The following ZNF678 variants were observed in gnomAD, a reference collection of about 807,000 sequenced individuals.
ZNF678 encodes hypothetical protein MGC42493.
ZNF678 carries 5 observed loss-of-function variants against 3.0 expected under a neutral mutation model. The observed-to-expected ratio is 1.69, with a 90% CI of 0.88 to 3.56. The LOEUF is 3.56. Among genes scored for constraint, ZNF678 ranks in the 30% most tolerant of loss-of-function variants. ZNF678 has a pLI of 0.00. For synonymous variants in ZNF678, 218 were observed against 199.6 expected (o/e 1.09, Z -0.78); for missense variants, 593 against 605.0 (o/e 0.98, Z 0.21).
At chr1:227,574,378 T>TA (rs1656935765) in intron 1 of ZNF678, among the ~76,000 whole-genome samples, 1 of 152,222 alleles carries the variant, frequency 6.6e-6, no homozygotes, top group Non-Finnish European at 1.5e-5. Context: ...TGGTGTGAGA[T>TA]GGTATGTCAT....
rs76462632 is a variant in ZNF678, at chr1:227,587,351, A to G, written c.-164+23627A>G. On this transcript the variant is annotated intron_variant, in intron 1 of 3. Transcript: ENST00000343776. ...TAGGAGGCAAAACAAAACAAAACAA[A>G]ACAAAACAAAAGACATACCCAGGGC... is the stretch of plus-strand genomic sequence containing the variant. Among the ~76,000 whole-genome samples, 613 of 152,258 alleles carry G rather than the reference A, an allele frequency of 4.0e-3. 5 individuals are homozygous for G. The highest frequency in any genetic ancestry group is 0.014 in the African/African-American group (567 of 41,540).
Position 227,654,944 on chromosome 1 carries a change from A to G in ZNF678, c.694A>G (p.Thr232Ala), listed in dbSNP as rs778679051. ...CCTTACACAACATAAGAGAATTCAT[A>G]CTGGAGAGAAACCCTACAAATGCAA... ...SNLTQHKRIHTGEKPYKCKEC... is the reference protein window; with the variant it reads ...SNLTQHKRIHAGEKPYKCKEC... Residue 232 changes from threonine to alanine, a missense_variant, in exon 4 of 4, where the codon ACT becomes GCT. By Grantham distance (58) the Thr-to-Ala change is moderately conservative. Coordinates refer to ENST00000343776, the MANE Select transcript of ZNF678 (RefSeq NM_001367909.1). The G allele has an allele frequency of 5.0e-6, 8 of 1,612,674 alleles. 1 individual carries two copies. In the South Asian group the frequency reaches 8.8e-5, roughly 18 times the overall value.
rs187908599 is a variant in ZNF678 at position 227,656,581 on chromosome 1, A to C, written c.*753A>C. On this transcript the variant is annotated 3_prime_UTR_variant, in exon 4 of 4. Transcript: ENST00000343776. ...ACCATCATTTATATGCTTTTTCATG[A>C]ATGATTAAGGGCACCGAAATGTAAC... The C allele has an allele frequency of 6.6e-6, 1 of 151,990 alleles. No homozygotes were observed. Among genetic ancestry groups the C allele is most frequent in the Admixed American group, 6.6e-5 (1 of 15,238 alleles). 9.4% of individuals were successfully genotyped at this position (151,990 alleles called of 1,614,324 possible). A position where few individuals can be genotyped will look rare whatever the true frequency, so the allele number is the denominator to read the frequency against.
intron 1 of ZNF678, among the ~76,000 whole-genome samples, chr1:227,576,636 T>C (rs1656993192): frequency 1.3e-5 from 2 of 152,190 alleles, no homozygotes; most frequent in Admixed American, 1.3e-4. Flanking sequence ...TCTCTCTTTT[T>C]TACTTTATTA....
chr1:227,650,855 A>T, intron 2 of ZNF678, 101 bp from the exon 3 acceptor site: 1 of 827,208 alleles, frequency 1.2e-6, no homozygotes. Flanking sequence ...ATGGCTTTCT[A>T]CATATAAGAT....
chr1:227,669,512 G>A (rs1410070931), intron 5 of ZNF678, among the ~76,000 whole-genome samples: 4 of 152,100 alleles, frequency 2.6e-5, no homozygotes, highest in African/African-American at 7.2e-5. Flanking sequence ...AGCCAGGTGC[G>A]GTGGCGTGCG....
intron 2 of ZNF678, among the ~76,000 whole-genome samples, chr1:227,647,815 G>A (rs886500212): frequency 6.6e-6 from 1 of 152,140 alleles, no homozygotes; most frequent in African/African-American, 2.4e-5. Flanking sequence ...TGGAACATAG[G>A]AATATCTACA....
chr1:227,609,134 C>T (rs1298275114), intron 1 of ZNF678, among the ~76,000 whole-genome samples: 1 of 151,844 alleles, frequency 6.6e-6, no homozygotes, highest in Non-Finnish European at 1.5e-5. Flanking sequence ...CAAGGAGCAA[C>T]AAACTTTATA....
chr1:227,588,088 T>C (rs1657309139), intron 1 of ZNF678, among the ~76,000 whole-genome samples: 1 of 152,130 alleles, frequency 6.6e-6, no homozygotes, highest in Admixed American at 6.5e-5. Context: ...CAATGTTTGG[T>C]TTTCTGTTTC....
chr1:227,671,840 G>C (rs1659605395), intron 5 of ZNF678, among the ~76,000 whole-genome samples: 1 of 152,074 alleles, frequency 6.6e-6, no homozygotes, highest in East Asian at 1.9e-4. Context: ...TATTTCCAAG[G>C]AGCTTATCAC....
chr1:227,610,389 A>G lies in ZNF678; in HGVS notation c.-163-36155A>G, dbSNP rs149607213. On this transcript the variant is annotated intron_variant, in intron 1 of 3. Transcript: ENST00000343776. The stretch of plus-strand genomic sequence containing the variant: ...CAATACCTTACTTGTTTTGATTACT[A>G]TAGCTTTGTTAGTGTAGTTTTAAAT... Among the ~76,000 whole-genome samples, 210 of 152,326 alleles carry G rather than the reference A, an allele frequency of 1.4e-3. 1 individual carries two copies. The highest frequency in any genetic ancestry group is 7.0e-3 in the South Asian group (34 of 4,828).
At chr1:227,669,513 G>A (rs1458683092) in intron 5 of ZNF678, among the ~76,000 whole-genome samples, 1 of 152,026 alleles carries the variant, frequency 6.6e-6, no homozygotes, top group Non-Finnish European at 1.5e-5. Flanking sequence ...GCCAGGTGCG[G>A]TGGCGTGCGC....
In ZNF678 at chr1:227,654,808, T is replaced by G. The variant is rs1659180557; in HGVS notation, c.558T>G (p.Cys186Trp). ...TGEKPYKCDE[C>W]DKVFNWWSQL... ...AGAAACCCTACAAATGTGATGAATG[T>G]GACAAAGTTTTTAATTGGTGGTCAC... Residue 186 changes from cysteine (C) to tryptophan (W), a missense_variant, in exon 4 of 4, where the codon TGT (cysteine) becomes TGG (tryptophan). Cys to Trp is a radical substitution (Grantham distance 215). Coordinates refer to ENST00000343776, the MANE Select transcript of ZNF678 (RefSeq NM_001367909.1). 1.2e-6 allele frequency: 2 copies of G among 1,612,682 alleles called. No homozygotes were observed. Among genetic ancestry groups the G allele is most frequent in the Admixed American group, 1.7e-5 (1 of 59,734 alleles).
Position 227,563,597 on chromosome 1 carries a change from C to CG in ZNF678, c.-289dup. 9.8e-7 allele frequency: 1 copy of CG among 1,021,154 alleles called. No individual in the cohort carries two copies. The highest frequency in any genetic ancestry group is 1.4e-6 in the Non-Finnish European group (1 of 729,642). The allele number at this position is 1,021,154 out of a possible 1,614,324, so 63.3% of individuals were successfully genotyped here. A position where few individuals can be genotyped will look rare whatever the true frequency, so the allele number is the denominator to read the frequency against. On this transcript the variant is annotated 5_prime_UTR_variant, in exon 1 of 4. Coordinates refer to ENST00000343776, the MANE Select transcript of ZNF678 (RefSeq NM_001367909.1). ...AGCTGGAGCTTTGGTCCCGTATTCT[C>CG]GGCTATTTATCCCCAGCTGCGGGAG...
chr1:227,618,794 A>G (rs1305844038), intron 1 of ZNF678, among the ~76,000 whole-genome samples: 1 of 152,138 alleles, frequency 6.6e-6, no homozygotes, highest in Non-Finnish European at 1.5e-5. Flanking sequence ...GGGAGATTTA[A>G]TTGCAGCTAT....
chr1:227,637,109 A>G (rs1658698135), intron 1 of ZNF678, among the ~76,000 whole-genome samples: 1 of 152,096 alleles, frequency 6.6e-6, no homozygotes, highest in Non-Finnish European at 1.5e-5. Flanking sequence ...AGGAGCTGCC[A>G]TTTACAAACC....
intron 1 of ZNF678, among the ~76,000 whole-genome samples, chr1:227,624,667 A>G (rs113172419): frequency 0.011 from 1,637 of 152,314 alleles, 33 homozygotes; most frequent in African/African-American, 0.038. Flanking sequence ...TTATAGCTCT[A>G]TTAGAAGCCA....
At chr1:227,676,963 A>G (rs1659698143) in intron 5 of ZNF678, among the ~76,000 whole-genome samples, 1 of 152,128 alleles carries the variant, frequency 6.6e-6, no homozygotes, top group South Asian at 2.1e-4. Context: ...GCTATTGTGA[A>G]TAGTGCCGCA....
chr1:227,582,203 C>G (rs1657147994), intron 1 of ZNF678, among the ~76,000 whole-genome samples: 1 of 151,908 alleles, frequency 6.6e-6, no homozygotes, highest in African/African-American at 2.4e-5. Flanking sequence ...ATATCTTCTT[C>G]CACTCTAGTT....
Sources: gnomAD v4.1 joint callset for allele counts (sites outside exome capture counted in the v4.1 genomes callset) on GRCh38, gnomAD v4.1.1 for gene constraint, MANE v1.5 for transcripts, NCBI Gene and HGNC (gene_info 2026-07-23, HGNC 2026-07-21) for gene names.